Variants in SRGAP1 observed in about 807,000 individuals in gnomAD.
SRGAP1 encodes SLIT-ROBO Rho GTPase activating protein 1.
SRGAP1 carries 43 observed loss-of-function variants against 121.9 expected under a neutral mutation model. The observed-to-expected ratio is 0.35, with a 90% confidence interval of 0.28 to 0.46. The LOEUF is 0.46. Among genes scored for constraint, SRGAP1 ranks in the 20% least tolerant of loss-of-function variants. SRGAP1 has a pLI of 1.00. For synonymous variants in SRGAP1, 447 were observed against 485.4 expected (o/e 0.92, Z 1.04); for missense variants, 1,102 against 1,350.9 (o/e 0.82, Z 2.89).
intron 18 of SRGAP1, 113 bp downstream of exon 18, chr12:64,116,006 G>A: frequency 2.0e-6 from 2 of 993,990 alleles, no homozygotes; most frequent in South Asian, 3.2e-5. Flanking sequence ...TATAATCCCA[G>A]CACGTTGGGA....
chr12:63,989,672 C>T (rs2033503369), intron 2 of SRGAP1, among the ~76,000 whole-genome samples: 2 of 152,218 alleles, frequency 1.3e-5, no homozygotes, highest in South Asian at 4.1e-4. Flanking sequence ...TGGATTTCAC[C>T]AGTGTTCATG....
chr12:63,870,103 A>C (rs961638802), intron 1 of SRGAP1, among the ~76,000 whole-genome samples: 1 of 152,218 alleles, frequency 6.6e-6, no homozygotes, highest in Non-Finnish European at 1.5e-5. Context: ...AAACTTCCAA[A>C]AAACTAGGAA....
intron 3 of SRGAP1, among the ~76,000 whole-genome samples, chr12:63,997,781 G>A (rs1022456351): frequency 6.6e-6 from 1 of 151,914 alleles, no homozygotes; most frequent in African/African-American, 2.4e-5. Context: ...CCTATTCTCC[G>A]GGTCCAATTG....
chr12:63,860,374 C>G (rs1254278216), intron 1 of SRGAP1, among the ~76,000 whole-genome samples: 3 of 152,156 alleles, frequency 2.0e-5, no homozygotes, highest in Non-Finnish European at 4.4e-5. Context: ...AATATAATTA[C>G]ATTATGAACT....
chr12:64,021,643 T>C (rs537723641), intron 4 of SRGAP1, among the ~76,000 whole-genome samples: 2 of 152,324 alleles, frequency 1.3e-5, no homozygotes, highest in African/African-American at 4.8e-5. Flanking sequence ...GGGAACTATT[T>C]TCTAAATAAG....
chr12:64,087,660 C>T (rs572020010), intron 11 of SRGAP1, among the ~76,000 whole-genome samples: 4 of 152,032 alleles, frequency 2.6e-5, no homozygotes, highest in Admixed American at 6.6e-5. Flanking sequence ...CACTTGAACC[C>T]GGCAGGCGGA....
intron 4 of SRGAP1, among the ~76,000 whole-genome samples, chr12:64,023,204 CAAAAAAA>C (rs11312893): frequency 1.4e-4 from 11 of 77,114 alleles, no homozygotes; most frequent in East Asian, 1.3e-3. Flanking sequence ...ACTTTTGTAC[CAAAAAAA>C]AAAAAAAAAA....
intron 1 of SRGAP1, among the ~76,000 whole-genome samples, chr12:63,875,221 G>A (rs990203926): frequency 2.0e-5 from 3 of 152,152 alleles, no homozygotes; most frequent in South Asian, 2.1e-4. Flanking sequence ...GACCATATCC[G>A]TCAAATACAA....
intron 4 of SRGAP1, among the ~76,000 whole-genome samples, chr12:64,031,134 G>C (rs747636866): frequency 6.6e-6 from 1 of 151,842 alleles, no homozygotes; most frequent in Non-Finnish European, 1.5e-5. Flanking sequence ...CCTGGCCAAC[G>C]TGGTGAAATC....
intron 15 of SRGAP1, 39 bp downstream of exon 15, chr12:64,097,414 A>G: frequency 6.2e-7 from 1 of 1,605,972 alleles, no homozygotes. Context: ...CACAAGAATT[A>G]TTTCACTAGC....
intron 7 of SRGAP1, 77 bp downstream of exon 7, chr12:64,063,215 T>A: frequency 1.5e-6 from 2 of 1,290,788 alleles, no homozygotes; most frequent in Non-Finnish European, 2.2e-6. Flanking sequence ...AATCTAACAG[T>A]TGTAATAATT....
chr12:63,869,452 C>T (rs940254041), intron 1 of SRGAP1, among the ~76,000 whole-genome samples: 5 of 150,694 alleles, frequency 3.3e-5, no homozygotes, highest in South Asian at 2.1e-4. Flanking sequence ...ATTGAAACCA[C>T]GGCATATGGT....
chr12:63,990,116 C>A (rs1183943047), intron 3 of SRGAP1, 44 bp downstream of exon 3: 2 of 1,484,888 alleles, frequency 1.3e-6, no homozygotes, highest in Non-Finnish European at 9.1e-7. Flanking sequence ...CCAATAACTG[C>A]CTTGTCTATA....
intron 1 of SRGAP1, chr12:63,983,035 G>A (rs1046866138): frequency 2.6e-5 from 4 of 152,204 alleles, no homozygotes; most frequent in Non-Finnish European, 5.9e-5. Context: ...CCTTTTTGTT[G>A]TGAACAGAAT....
chr12:64,121,289 G>A (rs1026029376), intron 18 of SRGAP1, among the ~76,000 whole-genome samples: 1 of 152,186 alleles, frequency 6.6e-6, no homozygotes, highest in African/African-American at 2.4e-5. Flanking sequence ...TTAGAGGCAT[G>A]AGCCACCCAC....
chr12:64,030,501 C>T (rs943565406), intron 4 of SRGAP1, among the ~76,000 whole-genome samples: 1 of 152,082 alleles, frequency 6.6e-6, no homozygotes, highest in South Asian at 2.1e-4. Flanking sequence ...TAAGTTGATC[C>T]TTTTTCATTA....
At chr12:64,134,200 T>C (rs1418070394) in intron 21 of SRGAP1, among the ~76,000 whole-genome samples, 1 of 151,988 alleles carries the variant, frequency 6.6e-6, no homozygotes, top group Admixed American at 6.6e-5. Context: ...GGCAGGCAGA[T>C]CACGGGGTCA....
intron 6 of SRGAP1, among the ~76,000 whole-genome samples, chr12:64,045,107 T>C (rs1203468844): frequency 6.6e-6 from 1 of 152,176 alleles, no homozygotes; most frequent in Non-Finnish European, 1.5e-5. Context: ...TTTTTCTTTT[T>C]TCATTTATTA....
At chr12:63,865,467 C>T (rs1899595449) in intron 1 of SRGAP1, among the ~76,000 whole-genome samples, 1 of 151,984 alleles carries the variant, frequency 6.6e-6, no homozygotes, top group Non-Finnish European at 1.5e-5. Context: ...AGATTCAGTC[C>T]CCACCCGCCG....
Sources: allele counts gnomAD v4.1 joint callset (sites outside exome capture counted in the v4.1 genomes callset), GRCh38; gene constraint gnomAD v4.1.1; transcripts MANE v1.5; gene names NCBI Gene and HGNC (gene_info 2026-07-23, HGNC 2026-07-21).